TNRC6C: variants seen among roughly 807,000 people sequenced by gnomAD.
The protein encoded by TNRC6C is trinucleotide repeat-containing gene 6C protein.
TNRC6C carries 20 observed loss-of-function variants against 153.7 expected under a neutral mutation model. That is an observed-to-expected ratio of 0.13 (90% CI 0.09 to 0.19). TNRC6C has a LOEUF of 0.19. Ranked by LOEUF, TNRC6C falls within the 10% of genes least tolerant of loss-of-function variation. The pLI is 1.00. For synonymous variants in TNRC6C, 811 were observed against 841.4 expected, an observed-to-expected ratio of 0.96 and a Z score of 0.63; for missense variants, 1,987 against 2,172.0, an observed-to-expected ratio of 0.91 and a Z score of 1.69.
At chr17:78,074,228 G>A (rs1598759983) in intron 7 of TNRC6C, among the ~76,000 whole-genome samples, 1 of 152,096 alleles carries the variant, frequency 6.6e-6, no homozygotes, top group East Asian at 1.9e-4. Flanking sequence ...GCAATAAATG[G>A]ACCACAAAAA....
intron 14 of TNRC6C, 42 bp downstream of exon 16, chr17:78,091,649 C>G: frequency 7.1e-7 from 1 of 1,403,182 alleles, no homozygotes. Flanking sequence ...TCACTGCTGG[C>G]TTATTAATCG....
intron 1 of TNRC6C, among the ~76,000 whole-genome samples, chr17:78,009,316 G>A (rs1340501345): frequency 1.3e-5 from 2 of 151,984 alleles, no homozygotes; most frequent in East Asian, 1.9e-4. Flanking sequence ...ATGACCTTGG[G>A]AGCCTAAGTT....
In TNRC6C at chr17:77,985,210, G is replaced by A. The variant is rs539070448; in HGVS notation, c.-37-18960G>A. ...TCATAGTTCTTTTGGTTATAGGACT[G>A]AGGTCCTTGTTTCCTTGCTAGCTGT... On this transcript the variant is annotated intron_variant, in intron 1 of 22. Transcript: ENST00000636222. Among the ~76,000 whole-genome samples the A allele has an allele frequency of 4.6e-5, 7 of 152,238 alleles. No individual in the cohort carries two copies. The South Asian group carries it at 1.4e-3, about 32-fold the overall frequency.
At chr17:77,963,094 A>G (rs1042481729) in intron 1 of TNRC6C, among the ~76,000 whole-genome samples, 1 of 152,244 alleles carries the variant, frequency 6.6e-6, no homozygotes, top group South Asian at 2.1e-4. Context: ...TTATAAAATG[A>G]TATACAATAA....
chr17:77,999,219 GTCC>G (rs914665492), upstream of TNRC6C, among the ~76,000 whole-genome samples: 21 of 152,184 alleles, frequency 1.4e-4, no homozygotes, highest in African/African-American at 4.3e-4. Flanking sequence ...CCTGGGATAC[GTCC>G]AGCTCACAGG....
intron 1 of TNRC6C, among the ~76,000 whole-genome samples, chr17:77,963,700 G>A (rs1244169342): frequency 1.3e-5 from 2 of 152,220 alleles, no homozygotes; most frequent in Admixed American, 6.5e-5. Flanking sequence ...CTCTGTGGCT[G>A]CAAACCACAA....
At chr17:78,085,104 A>C (rs1424671414) in intron 11 of TNRC6C, among the ~76,000 whole-genome samples, 1 of 152,188 alleles carries the variant, frequency 6.6e-6, no homozygotes, top group East Asian at 1.9e-4. Flanking sequence ...AAAAGCATGC[A>C]GGTTTAGAGC....
At chr17:78,106,562 AAAG>A (rs2073700129) in exon 20 of TNRC6C, 1 of 151,646 alleles carries the variant, frequency 6.6e-6, no homozygotes, top group African/African-American at 2.4e-5. Context: ...AAATGAAAAA[AAAG>A]AAAAAGAGGA....
chr17:78,031,374 T>C, intron 1 of TNRC6C, 142 bp from the exon 4 acceptor site: 2 of 570,390 alleles, frequency 3.5e-6, no homozygotes, highest in Non-Finnish European at 2.6e-6. Flanking sequence ...AACTTGGAAC[T>C]CTAGACTTTA....
intron 17 of TNRC6C, 22 bp from the exon 21 acceptor site, chr17:78,102,452 A>G (rs1454140460): frequency 6.3e-7 from 1 of 1,598,996 alleles, no homozygotes. Context: ...CTTGTCAACC[A>G]GGTTCTCCCC....
rs142781193 is a variant in TNRC6C, at chr17:77,973,466, C to T, written c.-38+14198C>T. Among the ~76,000 whole-genome samples the T allele has an allele frequency of 2.2e-3, 332 of 152,286 alleles. 1 individual carries two copies. Among genetic ancestry groups the T allele is most frequent in the African/African-American group, 7.0e-3 (290 of 41,562 alleles). ...AGAATATCAGTTCAATGCTATTCAGCACTGATCTAGAGCTTCTAGCCTATG... is the reference window on the plus strand; with the variant it reads ...AGAATATCAGTTCAATGCTATTCAGTACTGATCTAGAGCTTCTAGCCTATG... On this transcript the variant is annotated intron_variant, in intron 1 of 22. Transcript: ENST00000636222.
intron 1 of TNRC6C, among the ~76,000 whole-genome samples, chr17:77,984,565 G>T (rs2071132225): frequency 6.6e-6 from 1 of 152,174 alleles, no homozygotes; most frequent in Admixed American, 6.5e-5. Context: ...TTCAGTGCGT[G>T]TGCTTTTGGT....
At chr17:78,093,304 A>G (rs1471842833) in intron 15 of TNRC6C, 180 bp downstream of exon 17, 7 of 775,468 alleles carry the variant, frequency 9.0e-6, no homozygotes, top group South Asian at 1.9e-5. Context: ...TATGGTTAGC[A>G]TCAGGCATTT....
intron 1 of TNRC6C, among the ~76,000 whole-genome samples, chr17:78,022,376 A>G (rs1417219282): frequency 1.3e-5 from 2 of 152,254 alleles, no homozygotes; most frequent in Non-Finnish European, 2.9e-5. Flanking sequence ...TTTATATTGA[A>G]AAATGGACTG....
chr17:77,977,220 A>G (rs1427554203), intron 1 of TNRC6C, among the ~76,000 whole-genome samples: 1 of 152,042 alleles, frequency 6.6e-6, no homozygotes, highest in Non-Finnish European at 1.5e-5. Context: ...GTGTGTATTG[A>G]TTTATACATA....
intron 14 of TNRC6C, 76 bp downstream of exon 16, chr17:78,091,683 C>T: frequency 7.8e-7 from 1 of 1,286,816 alleles, no homozygotes; most frequent in Non-Finnish European, 9.9e-7. Context: ...ATAGCATGGC[C>T]ATTCTATACT....
chr17:78,033,974 C>T (rs2072127854), intron 2 of TNRC6C, among the ~76,000 whole-genome samples: 1 of 152,196 alleles, frequency 6.6e-6, no homozygotes, highest in Non-Finnish European at 1.5e-5. Flanking sequence ...TGCACAAACT[C>T]TCCGTTTTTC....
chr17:78,003,928 A>G (rs943880031), upstream of TNRC6C, among the ~76,000 whole-genome samples: 10 of 152,202 alleles, frequency 6.6e-5, no homozygotes, highest in Non-Finnish European at 1.0e-4. Flanking sequence ...ATCCCCAGCA[A>G]TGCCTGATGA....
At chr17:78,093,561 T>C in intron 15 of TNRC6C, 59 bp from the exon 18 acceptor site, 1 of 1,589,146 alleles carries the variant, frequency 6.3e-7, no homozygotes, top group Non-Finnish European at 8.6e-7. Flanking sequence ...TTTTAAAATT[T>C]CGTGAATCAA....
Sources: gnomAD v4.1 joint callset for allele counts (sites outside exome capture counted in the v4.1 genomes callset) on GRCh38, gnomAD v4.1.1 for gene constraint, MANE v1.5 for transcripts, NCBI Gene and HGNC (gene_info 2026-07-23, HGNC 2026-07-21) for gene names.